Variants in CACNA2D1 observed in about 807,000 individuals in gnomAD.
CACNA2D1 encodes voltage-dependent calcium channel subunit alpha-2/delta-1.
CACNA2D1 carries 53 observed loss-of-function variants against 171.5 expected under a neutral mutation model. That is an observed-to-expected ratio of 0.31 (90% CI 0.25 to 0.39). CACNA2D1 has a LOEUF of 0.39. Among genes scored for constraint, CACNA2D1 ranks in the 10% least tolerant of loss-of-function variants. The pLI is 1.00. For synonymous variants in CACNA2D1, 442 were observed against 443.1 expected, an observed-to-expected ratio of 1.00 and a Z score of 0.03; for missense variants, 903 against 1,299.8, an observed-to-expected ratio of 0.69 and a Z score of 4.69.
At chr7:82,257,230 T>A (rs975701031) in intron 3 of CACNA2D1, among the ~76,000 whole-genome samples, 1 of 152,230 alleles carries the variant, frequency 6.6e-6, no homozygotes, top group African/African-American at 2.4e-5. Flanking sequence ...ACATAAGGCA[T>A]TTCAGCTGAG....
intron 1 of CACNA2D1, among the ~76,000 whole-genome samples, chr7:82,398,240 A>C (rs1163510128): frequency 6.6e-6 from 1 of 152,206 alleles, no homozygotes; most frequent in East Asian, 1.9e-4. Flanking sequence ...CTGGAAGAGA[A>C]AGATCTCAAT....
rs1800597783 is a variant in CACNA2D1, at chr7:82,017,211, GT to G, written c.1144-2733del. ...TAATGATCTTATAAATATATATTCAGTTGAGAAGAAGTTTAATATAAGTCAT... is the reference window on the plus strand; with the variant it reads ...TAATGATCTTATAAATATATATTCAGTGAGAAGAAGTTTAATATAAGTCAT... On this transcript the variant is annotated intron_variant, in intron 12 of 38. Coordinates refer to ENST00000356860, the MANE Select transcript of CACNA2D1 (RefSeq NM_000722.4). 2.0e-5 allele frequency among the ~76,000 whole-genome samples: 3 copies of G among 151,932 alleles called. No homozygotes were observed. In the South Asian group the frequency reaches 6.2e-4, roughly 31 times the overall value.
chr7:82,196,362 A>G (rs1798852262), intron 3 of CACNA2D1, among the ~76,000 whole-genome samples: 12 of 152,034 alleles, frequency 7.9e-5, no homozygotes, highest in Admixed American at 7.9e-4. Context: ...ACAATGCTAG[A>G]AGAATTCTAT....
intron 1 of CACNA2D1, among the ~76,000 whole-genome samples, chr7:82,412,496 T>C (rs924877774): frequency 6.6e-6 from 1 of 151,988 alleles, no homozygotes; most frequent in South Asian, 2.1e-4. Context: ...CTGGTCAGGC[T>C]GGTCTCGAAC....
chr7:82,067,508 T>A (rs1403610804), intron 7 of CACNA2D1, among the ~76,000 whole-genome samples: 1 of 152,196 alleles, frequency 6.6e-6, no homozygotes, highest in Non-Finnish European at 1.5e-5. Context: ...ATGAAACTCT[T>A]CCTTGACTGT....
chr7:82,092,657 T>C (rs1419274179), intron 6 of CACNA2D1, among the ~76,000 whole-genome samples: 1 of 151,096 alleles, frequency 6.6e-6, no homozygotes, highest in East Asian at 1.9e-4. Flanking sequence ...CCTCCCAAAG[T>C]GCTGGGATTA....
At chr7:82,428,180 C>A (rs1039732671) in intron 1 of CACNA2D1, among the ~76,000 whole-genome samples, 3 of 151,368 alleles carry the variant, frequency 2.0e-5, no homozygotes, top group Non-Finnish European at 4.4e-5. Flanking sequence ...ATTGTAATTA[C>A]TTGATAGTCA....
chr7:82,303,215 T>C (rs1007399550), intron 3 of CACNA2D1, among the ~76,000 whole-genome samples: 2 of 151,982 alleles, frequency 1.3e-5, no homozygotes, highest in African/African-American at 4.8e-5. Flanking sequence ...GCCAGGATGG[T>C]CTCTATCTCC....
At chr7:82,017,229 A>G (rs747863506) in intron 12 of CACNA2D1, among the ~76,000 whole-genome samples, 6 of 152,070 alleles carry the variant, frequency 3.9e-5, no homozygotes, top group Admixed American at 1.3e-4. Flanking sequence ...GAAGTTTAAT[A>G]TAAGTCATTC....
At chr7:82,140,592 A>G (rs559120017) in intron 4 of CACNA2D1, among the ~76,000 whole-genome samples, 6 of 152,302 alleles carry the variant, frequency 3.9e-5, no homozygotes, top group African/African-American at 1.4e-4. Flanking sequence ...CCAAATATTC[A>G]AAGAGCACTT....
intron 21 of CACNA2D1, among the ~76,000 whole-genome samples, chr7:81,985,913 A>C (rs910113176): frequency 6.6e-6 from 1 of 152,326 alleles, no homozygotes; most frequent in East Asian, 1.9e-4. Context: ...AACTTGCCTT[A>C]ATGACTGCCC....
intron 5 of CACNA2D1, among the ~76,000 whole-genome samples, chr7:82,132,648 A>T (rs1287826367): frequency 6.6e-6 from 1 of 152,210 alleles, no homozygotes; most frequent in Non-Finnish European, 1.5e-5. Context: ...AGGAAAGCAG[A>T]GAATGGGGAG....
At chr7:81,985,358 C>T (rs935923098) in intron 21 of CACNA2D1, among the ~76,000 whole-genome samples, 16 of 151,896 alleles carry the variant, frequency 1.1e-4, no homozygotes, top group African/African-American at 1.9e-4. Context: ...CATGCCACCA[C>T]GCCCAGCTAA....
chr7:82,048,350 A>G (rs1804793840), intron 10 of CACNA2D1, among the ~76,000 whole-genome samples: 1 of 152,174 alleles, frequency 6.6e-6, no homozygotes, highest in South Asian at 2.1e-4. Flanking sequence ...TAAAGTGTGC[A>G]ATAAACATGG....
rs866821665 is a variant in CACNA2D1, at chr7:82,349,507, G to A, written c.177+61C>T. ...AATATAGAGACACAGTTTCCTAGAA[G>A]ATAGAACTGCATTCGAATTAATGAA... On this transcript the variant is annotated intron_variant, in intron 2 of 38. Transcript: ENST00000356860. 18 of 1,267,158 alleles carry A rather than the reference G, an allele frequency of 1.4e-5. 1 individual carries two copies. In the Middle Eastern group the frequency reaches 3.1e-3, roughly 219 times the overall value. 78.5% of individuals were successfully genotyped at this position (1,267,158 alleles called of 1,614,324 possible).
At chr7:82,419,680 A>T (rs1265027624) in intron 1 of CACNA2D1, among the ~76,000 whole-genome samples, 1 of 152,248 alleles carries the variant, frequency 6.6e-6, no homozygotes, top group Non-Finnish European at 1.5e-5. Flanking sequence ...CGTTATTGGG[A>T]ATTAATGAAT....
chr7:82,410,765 C>T (rs896369974), intron 1 of CACNA2D1, among the ~76,000 whole-genome samples: 13 of 152,186 alleles, frequency 8.5e-5, no homozygotes, highest in Non-Finnish European at 1.5e-4. Context: ...CTGTCTGTTA[C>T]GAAGCAGGTG....
intron 29 of CACNA2D1, 21 bp downstream of exon 29, chr7:81,968,866 G>A (rs1562794571): frequency 8.5e-7 from 1 of 1,178,862 alleles, no homozygotes; most frequent in South Asian, 1.2e-5. Flanking sequence ...TTGTGTTTTT[G>A]TATTTAATAT....
At position 82,330,725 on chromosome 7, in the gene CACNA2D1, C is replaced by T. The variant is rs1016469500; in HGVS notation, c.294+4410G>A. Reference sequence around the variant, plus strand: ...CAGAATATTCTATTATCTAGATCATCGAATGCTTATTCAGCATGGATGAAT... The same window carrying T: ...CAGAATATTCTATTATCTAGATCATTGAATGCTTATTCAGCATGGATGAAT... On this transcript the variant is annotated intron_variant, in intron 3 of 38. Coordinates refer to ENST00000356860, the MANE Select transcript of CACNA2D1 (RefSeq NM_000722.4). Among the ~76,000 whole-genome samples the T allele has an allele frequency of 5.9e-5, 9 of 152,172 alleles. No individual in the cohort carries two copies. The South Asian group carries it at 6.2e-4, about 11-fold the overall frequency.
Sources: allele counts gnomAD v4.1 joint callset (sites outside exome capture counted in the v4.1 genomes callset), GRCh38; gene constraint gnomAD v4.1.1; transcripts MANE v1.5; gene names NCBI Gene and HGNC (gene_info 2026-07-23, HGNC 2026-07-21).